Variants in GUCY2D observed in about 807,000 individuals in gnomAD.
GUCY2D encodes guanylate cyclase 2D, retinal, also known as retinal guanylyl cyclase 1.
GUCY2D carries 70 observed loss-of-function variants against 101.3 expected under a neutral mutation model. The ratio of observed to expected loss-of-function variants is 0.69; its 90% confidence interval spans 0.57 to 0.84. The LOEUF (loss-of-function observed/expected upper bound fraction) is 0.84. Among genes scored for constraint, GUCY2D ranks in the 40% least tolerant of loss-of-function variants. GUCY2D has a pLI of 0.00. For missense variants in GUCY2D, 1,460 were observed against 1,542.5 expected (o/e 0.95, Z 0.90); for synonymous variants, 688 against 670.7 (o/e 1.03, Z -0.40).
At chr17:8,015,665 G>T in intron 15 of GUCY2D, 78 bp from the exon 16 acceptor site, 1 of 1,249,348 alleles carries the variant, frequency 8.0e-7, no homozygotes, top group South Asian at 1.3e-5. Context: ...TAATGGGTGC[G>T]AAGATCCCCC....
At position 8,007,183 on chromosome 17, in the gene GUCY2D, G is replaced by A. The variant is rs112984002; in HGVS notation, c.1463+39G>A. On this transcript the variant is annotated intron_variant, in intron 5 of 19. Transcript: ENST00000254854. ...TGAGGTAAGTAGGAAGTGAGCTTGTGCCAGAAATGGAAGTCTGCAGCAAAA... is the reference window on the plus strand; with the variant it reads ...TGAGGTAAGTAGGAAGTGAGCTTGTACCAGAAATGGAAGTCTGCAGCAAAA... 44,895 of 1,465,992 alleles carry A rather than the reference G, an allele frequency of 0.031. 863 individuals are homozygous for A. Among genetic ancestry groups the A allele is most frequent in the Non-Finnish European group, 0.038 (39,330 of 1,044,822 alleles). The allele number at this position is 1,465,992 out of a possible 1,614,324, so 90.8% of individuals were successfully genotyped here.
At chr17:8,009,435 A>G (rs1975806303) in intron 7 of GUCY2D, 71 bp from the exon 8 acceptor site, 2 of 914,196 alleles carry the variant, frequency 2.2e-6, no homozygotes, top group South Asian at 1.3e-5. Context: ...AATGAGGGGG[A>G]GGGGTTCTAG....
chr17:8,004,147 T>C lies in GUCY2D; in HGVS notation c.1017T>C (p.Asn339=), dbSNP rs1168014075. Reference sequence around the variant, plus strand: ...GCCGCGAGCTGCCCTCTGACCTCAATCTGCAGCAGGTAGACGGTCCCGGGA... The same window carrying C: ...GCCGCGAGCTGCCCTCTGACCTCAACCTGCAGCAGGTAGACGGTCCCGGGA... ...QERRELPSDL[N]LQQVSPLFGT... is the part of the protein sequence containing the mutation. Residue 339 remains asparagine (N), a synonymous_variant, in exon 3 of 20, where the codon AAT becomes AAC. Transcript: ENST00000254854. 2 of 1,591,378 alleles carry C rather than the reference T, an allele frequency of 1.3e-6. No homozygotes were observed. Among genetic ancestry groups the C allele is most frequent in the African/African-American group, 2.7e-5 (2 of 74,696 alleles).
At position 8,016,283 on chromosome 17, in the gene GUCY2D, C is replaced by CA. The variant is rs1374426388; in HGVS notation, c.3219dup (p.Pro1074ThrfsTer58). 1 of 1,567,784 alleles carries CA rather than the reference C, an allele frequency of 6.4e-7. No homozygotes were observed. The highest frequency in any genetic ancestry group is 8.7e-7 in the Non-Finnish European group (1 of 1,155,336). The stretch of plus-strand genomic sequence containing the variant: ...GCCCATCCCCAAACCGCCTGACCTG[C>CA]AACCGGGGTGAGGGGCCGGCCTCCG... On this transcript the variant is annotated frameshift_variant, in exon 18 of 20. Coordinates refer to ENST00000254854, the MANE Select transcript of GUCY2D (RefSeq NM_000180.4). LOFTEE classifies it high-confidence loss of function.
chr17:8,012,282 C>G lies in GUCY2D; in HGVS notation c.1888C>G (p.Leu630Val). Reference sequence around the variant, plus strand: ...CTGCACGCGGGGCTCTCTTCAGGACCTCCTCGCTCAGAGAGAAATAAAGCT... The same window carrying G: ...CTGCACGCGGGGCTCTCTTCAGGACGTCCTCGCTCAGAGAGAAATAAAGCT... ...EHCTRGSLQD[L>V]LAQREIKLDW... The change falls in exon 9 of 20, where the codon CTC becomes GTC. Residue 630 changes from leucine to valine, a missense_variant. Leu to Val is a conservative substitution (Grantham distance 32). Transcript: ENST00000254854. 1 of 1,614,064 alleles carries G rather than the reference C, an allele frequency of 6.2e-7. No homozygotes were observed.
Position 8,006,535 on chromosome 17 carries a change from C to T in GUCY2D, c.1199C>T (p.Pro400Leu). The T allele has an allele frequency of 6.2e-7, 1 of 1,612,140 alleles. No individual in the cohort carries two copies. The highest frequency in any genetic ancestry group is 1.3e-5 in the African/African-American group (1 of 75,056). ...GGGGACCTAGGAGGAGACGAGGAGCCCCCATTCGTGCTGCTAGACACGGAC... is the reference window on the plus strand; with the variant it reads ...GGGGACCTAGGAGGAGACGAGGAGCTCCCATTCGTGCTGCTAGACACGGAC... Reference protein sequence around the residue: ...FCGDLGGDEEPPFVLLDTDAA... With the variant: ...FCGDLGGDEELPFVLLDTDAA... Residue 400 changes from proline (P) to leucine (L), a missense_variant, in exon 4 of 20, where the codon CCC (proline) becomes CTC (leucine). By Grantham distance (98) the Pro-to-Leu change is moderately conservative. Coordinates refer to ENST00000254854, the MANE Select transcript of GUCY2D (RefSeq NM_000180.4).
Position 8,015,834 on chromosome 17 carries a change from C to CGGGCTGCGTGAGTGTGACG in GUCY2D, c.3040_3043+15dup. 1 of 1,611,382 alleles carries CGGGCTGCGTGAGTGTGACG rather than the reference C, an allele frequency of 6.2e-7. No homozygotes were observed. The highest frequency in any genetic ancestry group is 2.2e-5 in the East Asian group (1 of 44,786). The stretch of plus-strand genomic sequence containing the variant: ...ACACCGCCTCGCGCATGGAGTCCAC[C>CGGGCTGCGTGAGTGTGACG]GGGCTGCGTGAGTGTGACGGGGACA... On this transcript the variant is annotated frameshift_variant, in exon 16 of 20. Transcript: ENST00000254854. LOFTEE classifies it high-confidence loss of function.
At chr17:8,012,887 C>G (rs1306610163) in intron 10 of GUCY2D, among the ~76,000 whole-genome samples, 2 of 152,212 alleles carry the variant, frequency 1.3e-5, no homozygotes, top group Non-Finnish European at 2.9e-5. Context: ...AGAGACGGAG[C>G]CTTCCCTGGG....
chr17:8,009,872 A>G (rs1975816595), intron 8 of GUCY2D, among the ~76,000 whole-genome samples: 1 of 151,946 alleles, frequency 6.6e-6, no homozygotes, highest in South Asian at 2.1e-4. Flanking sequence ...GCTACTCTTC[A>G]GAGGGTGAGG....
intron 3 of GUCY2D, among the ~76,000 whole-genome samples, chr17:8,005,447 C>G (rs1310911621): frequency 6.6e-6 from 1 of 152,180 alleles, no homozygotes; most frequent in Non-Finnish European, 1.5e-5. Flanking sequence ...GTCTTTCTCT[C>G]TCTTCCACCT....
Position 8,003,176 on chromosome 17 carries a change from TCTG to T in GUCY2D, c.134_136del (p.Leu45del), listed in dbSNP as rs2151799258. On this transcript the variant is annotated inframe_deletion, in exon 2 of 20. Transcript: ENST00000254854. ...GGCTCCCGCTCCTGCTGCTCCTGCT[TCTG>T]CTGCAGCCCCCCGCCCTCTCCGCCG... 1 of 1,502,552 alleles carries T rather than the reference TCTG, an allele frequency of 6.7e-7. No homozygotes were observed. Among genetic ancestry groups the T allele is most frequent in the Non-Finnish European group, 8.9e-7 (1 of 1,127,990 alleles). The allele number at this position is 1,502,552 out of a possible 1,614,324, so 93.1% of individuals were successfully genotyped here.
At position 8,013,293 on chromosome 17, in the gene GUCY2D, C is replaced by G; in HGVS notation, c.2263+41C>G. ...GCGTGGAGTTCGGCCCACAGGGGCA[C>G]CCTGCAGTTAGAAAAGAGCCAGCCT... On this transcript the variant is annotated intron_variant, in intron 11 of 19. Transcript: ENST00000254854. The surrounding 1 kb of genome is among the most constrained non-coding windows in gnomAD (Gnocchi z 5.0). 5 of 1,602,700 alleles carry G rather than the reference C, an allele frequency of 3.1e-6. No homozygotes were observed. Among genetic ancestry groups the G allele is most frequent in the Non-Finnish European group, 3.4e-6 (4 of 1,170,788 alleles).
rs966293053 is a variant in GUCY2D at position 8,011,943 on chromosome 17, T to C, written c.1750-201T>C. Among the ~76,000 whole-genome samples, 2 of 152,214 alleles carry C rather than the reference T, an allele frequency of 1.3e-5. No homozygotes were observed. The highest frequency in any genetic ancestry group is 6.5e-5 in the Admixed American group (1 of 15,282). On this transcript the variant is annotated intron_variant, in intron 8 of 19. Coordinates refer to ENST00000254854, the MANE Select transcript of GUCY2D (RefSeq NM_000180.4). The surrounding 1 kb of genome is among the most constrained non-coding windows in gnomAD (Gnocchi z 4.3). ...TAAACCATACTCAGTATCCAAACAGTGGCCTTTGACTATATTGTTTTTTCC... is the reference window on the plus strand; with the variant it reads ...TAAACCATACTCAGTATCCAAACAGCGGCCTTTGACTATATTGTTTTTTCC...
rs1040325648 is a variant in GUCY2D at position 8,013,521 on chromosome 17, C to T, written c.2263+269C>T. 7 of 581,922 alleles carry T rather than the reference C, an allele frequency of 1.2e-5. No homozygotes were observed. Among genetic ancestry groups the T allele is most frequent in the Admixed American group, 2.9e-5 (1 of 34,498 alleles). 36.0% of individuals were successfully genotyped at this position (581,922 alleles called of 1,614,324 possible). A position where few individuals can be genotyped will look rare whatever the true frequency, so the allele number is the denominator to read the frequency against. Reference sequence around the variant, plus strand: ...TCCACAACTGACAGAACAGACTCCTCTCTGTTCTCAGGGGTCCCTGGGAGG... The same window carrying T: ...TCCACAACTGACAGAACAGACTCCTTTCTGTTCTCAGGGGTCCCTGGGAGG... On this transcript the variant is annotated intron_variant, in intron 11 of 19. Coordinates refer to ENST00000254854, the MANE Select transcript of GUCY2D (RefSeq NM_000180.4). The surrounding 1 kb of genome is among the most constrained non-coding windows in gnomAD (Gnocchi z 5.0).
chr17:8,006,333 G>A (rs755908164), intron 3 of GUCY2D, 30 bp from the exon 4 acceptor site: 6 of 1,556,858 alleles, frequency 3.9e-6, no homozygotes, highest in African/African-American at 1.3e-5. Flanking sequence ...CTGTGACCCC[G>A]ACCTCTGAGC....
At position 8,003,916 on chromosome 17, in the gene GUCY2D, C is replaced by T. The variant is rs1975688868; in HGVS notation, c.786C>T (p.Ala262=). 1.9e-6 allele frequency: 3 copies of T among 1,613,592 alleles called. No homozygotes were observed. Among genetic ancestry groups the T allele is most frequent in the Non-Finnish European group, 2.5e-6 (3 of 1,179,870 alleles). ...GGEEQRYLLE[A]AEELGLTDGS... is the part of the protein sequence containing the mutation. ...AGGAGCAGCGCTACCTCCTGGAGGCCGCAGAGGAGCTGGGCCTGACCGATG... is the reference window on the plus strand; with the variant it reads ...AGGAGCAGCGCTACCTCCTGGAGGCTGCAGAGGAGCTGGGCCTGACCGATG... Residue 262 remains alanine (A), a synonymous_variant, in exon 3 of 20, where the codon GCC becomes GCT. Coordinates refer to ENST00000254854, the MANE Select transcript of GUCY2D (RefSeq NM_000180.4).
chr17:8,018,416 G>T (rs1483311330), intron 19 of GUCY2D, among the ~76,000 whole-genome samples: 7 of 152,122 alleles, frequency 4.6e-5, no homozygotes, highest in Non-Finnish European at 8.8e-5. Context: ...GCTCATTAAA[G>T]TTTCTGAATC....
rs1975899752 is a variant in GUCY2D at position 8,013,582 on chromosome 17, C to G, written c.2264-298C>G. On this transcript the variant is annotated intron_variant, in intron 11 of 19. Transcript: ENST00000254854. This position sits in a 1 kb window ranked among gnomAD's most constrained non-coding sequence, Gnocchi z 5.0. ...GGGGAGTGGGTGCATCCCTTCTGCA[C>G]AGGACTCTGAGCAAACTACTTGATC... 1 of 577,556 alleles carries G rather than the reference C, an allele frequency of 1.7e-6. No individual in the cohort carries two copies. Among genetic ancestry groups the G allele is most frequent in the African/African-American group, 1.9e-5 (1 of 53,446 alleles). 35.8% of individuals were successfully genotyped at this position (577,556 alleles called of 1,614,324 possible). A position where few individuals can be genotyped will look rare whatever the true frequency, so the allele number is the denominator to read the frequency against.
In GUCY2D at chr17:8,012,365, G is replaced by C; in HGVS notation, c.1956+15G>C. 1 of 1,611,240 alleles carries C rather than the reference G, an allele frequency of 6.2e-7. No individual in the cohort carries two copies. Among genetic ancestry groups the C allele is most frequent in the Non-Finnish European group, 8.5e-7 (1 of 1,178,116 alleles). ...ACCTTATCAAGGTGTGTGTCTGGGG[G>C]TGGTGGGGTGACGTCCTGGGGGCAG... On this transcript the variant is annotated intron_variant, in intron 9 of 19. Coordinates refer to ENST00000254854, the MANE Select transcript of GUCY2D (RefSeq NM_000180.4).
Sources: allele counts gnomAD v4.1 joint callset (sites outside exome capture counted in the v4.1 genomes callset), GRCh38; gene constraint gnomAD v4.1.1; non-coding constraint Gnocchi (gnomAD v3.1); transcripts MANE v1.5; gene names NCBI Gene and HGNC (gene_info 2026-07-23, HGNC 2026-07-21).